Variants in ANK3 observed in about 807,000 individuals in gnomAD.
The protein encoded by ANK3 is ankyrin 3, also known as ankyrin-3.
In ANK3, 57 loss-of-function variants were observed where a neutral mutation model predicts 370.9. That is an observed-to-expected ratio of 0.15 (90% CI 0.12 to 0.19). The LOEUF (loss-of-function observed/expected upper bound fraction) is 0.19. ANK3 is among the 10% of genes least tolerant of loss of function. The pLI, the probability that ANK3 is intolerant of heterozygous loss-of-function variation, is 1.00. For synonymous variants in ANK3, 1,929 were observed against 1,946.3 expected, an observed-to-expected ratio of 0.99 and a Z score of 0.23; for missense variants, 4,439 against 5,302.1, an observed-to-expected ratio of 0.84 and a Z score of 5.06.
At chr10:60,509,075 TA>T (rs2076012746) in intron 2 of ANK3, among the ~76,000 whole-genome samples, 1 of 152,056 alleles carries the variant, frequency 6.6e-6, no homozygotes, top group Non-Finnish European at 1.5e-5. Flanking sequence ...AACTGGCAGC[TA>T]AAAAAGCCGT....
intron 1 of ANK3, among the ~76,000 whole-genome samples, chr10:60,720,779 AT>A (rs1331836187): frequency 1.3e-5 from 2 of 152,020 alleles, no homozygotes; most frequent in African/African-American, 4.8e-5. Flanking sequence ...TGCCCTGCTA[AT>A]TTTTGTATTT....
At position 60,070,602 on chromosome 10, in the gene ANK3, A is replaced by G. The variant is rs1208790252; in HGVS notation, c.10279T>C (p.Leu3427=). The change falls in exon 37 of 44, where the codon TTG becomes CTG. Residue 3427 remains leucine (L), a synonymous_variant. Transcript: ENST00000280772. This position sits in a 1 kb window ranked among gnomAD's most constrained non-coding sequence, Gnocchi z 5.7. The stretch of plus-strand genomic sequence containing the variant: ...GGGAGTTTAGAATCACTCTCTGTCA[A>G]GCCATCATCTTCATCTTGCAGGTCA... ...GYDLQDEDDG[L]TESDSKLPIQ... The G allele has an allele frequency of 1.2e-6, 2 of 1,614,072 alleles. No individual in the cohort carries two copies. Among genetic ancestry groups the G allele is most frequent in the Non-Finnish European group, 1.7e-6 (2 of 1,180,008 alleles).
intron 37 of ANK3, 129 bp downstream of exon 37, chr10:60,068,508 A>T (rs1278401549): frequency 1.0e-5 from 10 of 973,870 alleles, no homozygotes; most frequent in Admixed American, 7.2e-5. Flanking sequence ...AACTACGGTT[A>T]AGTCACTCCA....
At chr10:60,221,390 C>A (rs904278670) in intron 8 of ANK3, among the ~76,000 whole-genome samples, 19 of 151,958 alleles carry the variant, frequency 1.3e-4, no homozygotes, top group African/African-American at 4.6e-4. Flanking sequence ...TGATTTTTGT[C>A]TTTTCAAAAG....
At chr10:60,082,392 C>T (rs749381365) in intron 34 of ANK3, 34 of 685,770 alleles carry the variant, frequency 5.0e-5, no homozygotes, top group Admixed American at 6.5e-5. Flanking sequence ...AAAATCTATG[C>T]GCTACCAGCA....
Position 60,217,803 on chromosome 10 carries a change from T to C in ANK3, c.898-4293A>G, listed in dbSNP as rs116198786. On this transcript the variant is annotated intron_variant, in intron 8 of 43. Coordinates refer to ENST00000280772, the MANE Select transcript of ANK3 (RefSeq NM_020987.5). ...TCCAGAGCTGAATTCAAATCCTGAC[T>C]ATCCTTGTTAATTTTCTGTCTCATA... Among the ~76,000 whole-genome samples, 576 of 152,320 alleles carry C rather than the reference T, an allele frequency of 3.8e-3. 6 individuals are homozygous for C. Among genetic ancestry groups the C allele is most frequent in the African/African-American group, 0.013 (548 of 41,570 alleles).
At chr10:60,521,009 G>A (rs1035758753) in intron 2 of ANK3, among the ~76,000 whole-genome samples, 1 of 151,676 alleles carries the variant, frequency 6.6e-6, no homozygotes, top group African/African-American at 2.4e-5. Context: ...CAGCCAACCA[G>A]CCATTATAAT....
intron 25 of ANK3, among the ~76,000 whole-genome samples, chr10:60,119,248 C>G (rs1338269046): frequency 6.6e-6 from 1 of 152,148 alleles, no homozygotes; most frequent in Admixed American, 6.5e-5. Context: ...TGAAGCAATT[C>G]AATGGAACCT....
At chr10:60,115,014 T>C (rs2092989098) in intron 25 of ANK3, among the ~76,000 whole-genome samples, 1 of 152,162 alleles carries the variant, frequency 6.6e-6, no homozygotes, top group South Asian at 2.1e-4. Flanking sequence ...GAGATTTGGG[T>C]GGCCTCAAGC....
chr10:60,054,557 T>G (rs990877413), intron 42 of ANK3, among the ~76,000 whole-genome samples: 4 of 152,192 alleles, frequency 2.6e-5, no homozygotes, highest in African/African-American at 9.7e-5. Context: ...AACTTCCTCT[T>G]ACTCTCCCTT....
chr10:60,385,555 T>C (rs1020484755), intron 1 of ANK3, among the ~76,000 whole-genome samples: 1 of 152,170 alleles, frequency 6.6e-6, no homozygotes, highest in African/African-American at 2.4e-5. Context: ...TTAATAAATG[T>C]TTACTGAATG....
chr10:60,176,096 G>A (rs1052271281), intron 18 of ANK3, among the ~76,000 whole-genome samples: 6 of 151,664 alleles, frequency 4.0e-5, no homozygotes, highest in African/African-American at 1.2e-4. Flanking sequence ...ACTTTGGGAG[G>A]CTGAGGCGGG....
rs147500418 is a variant in ANK3, at chr10:60,034,312, T to C, written c.*20-4486A>G. On this transcript the variant is annotated intron_variant, in intron 43 of 43. Coordinates refer to ENST00000280772, the MANE Select transcript of ANK3 (RefSeq NM_020987.5). ...TGGTACAGATGGGGTTTCACCACGC[T>C]GGCCAGGGTGGTCTTGAACTCCTGA... Among the ~76,000 whole-genome samples the C allele has an allele frequency of 3.8e-3, 584 of 152,228 alleles. 4 individuals carry two copies. Among genetic ancestry groups the C allele is most frequent in the African/African-American group, 0.013 (551 of 41,558 alleles).
chr10:60,681,305 G>T (rs1256224355), intron 1 of ANK3, among the ~76,000 whole-genome samples: 2 of 152,090 alleles, frequency 1.3e-5, no homozygotes, highest in Admixed American at 1.3e-4. Context: ...ACTGCCCTCA[G>T]GTCCAAGTCC....
intron 1 of ANK3, among the ~76,000 whole-genome samples, chr10:60,341,988 A>G (rs4245588): frequency 0.69 from 104,951 of 152,022 alleles, 37,726 homozygotes; most frequent in South Asian, 0.91. Context: ...CTACACATTC[A>G]TGAGAGGGAG....
At chr10:60,193,372 G>A (rs1244651485) in intron 16 of ANK3, among the ~76,000 whole-genome samples, 2 of 152,142 alleles carry the variant, frequency 1.3e-5, no homozygotes, top group East Asian at 3.9e-4. Flanking sequence ...AGAGTTATTT[G>A]TGCGCCTAGC....
chr10:60,196,676 A>G (rs754082152), intron 14 of ANK3, 51 bp from the exon 15 acceptor site: 2 of 1,240,836 alleles, frequency 1.6e-6, no homozygotes, highest in African/African-American at 3.0e-5. Context: ...GACATAAGGA[A>G]AACACACACA....
At chr10:60,686,852 C>T (rs981838011) in intron 1 of ANK3, among the ~76,000 whole-genome samples, 4 of 152,108 alleles carry the variant, frequency 2.6e-5, no homozygotes, top group Admixed American at 6.5e-5. Flanking sequence ...CTACCTCTAC[C>T]CATATACAAT....
chr10:60,659,152 T>C (rs907561288), intron 1 of ANK3, among the ~76,000 whole-genome samples: 3 of 152,182 alleles, frequency 2.0e-5, no homozygotes, highest in African/African-American at 7.2e-5. Context: ...ATCTTTGTGA[T>C]CTTGAGTTAT....
Sources: gnomAD v4.1 joint callset for allele counts (sites outside exome capture counted in the v4.1 genomes callset) on GRCh38, gnomAD v4.1.1 for gene constraint, Gnocchi (gnomAD v3.1) non-coding constraint, MANE v1.5 for transcripts, NCBI Gene and HGNC (gene_info 2026-07-23, HGNC 2026-07-21) for gene names.